The following PCSK5 variants were observed in gnomAD, a reference collection of about 807,000 sequenced individuals.
PCSK5 encodes the protein proprotein convertase subtilisin/kexin type 5.
A neutral mutation model predicts 233.2 loss-of-function variants in PCSK5; 129 were observed. That is an observed-to-expected ratio of 0.55 (90% CI 0.48 to 0.64). The LOEUF is 0.64. Ranked by LOEUF, PCSK5 falls within the 30% of genes least tolerant of loss-of-function variation. The probability of loss-of-function intolerance (pLI) is 0.00; values close to 1 mark genes in which losing one functional copy is unlikely to be tolerated. For missense variants in PCSK5, 2,076 were observed against 2,430.1 expected (o/e 0.85, Z 3.06); for synonymous variants, 825 against 879.2 (o/e 0.94, Z 1.09).
At chr9:76,200,583 G>A (rs561641144) in intron 20 of PCSK5, among the ~76,000 whole-genome samples, 1 of 152,212 alleles carries the variant, frequency 6.6e-6, no homozygotes, top group Admixed American at 6.5e-5. Flanking sequence ...TTTGTGGAAT[G>A]AATGAATAAG....
intron 10 of PCSK5, among the ~76,000 whole-genome samples, chr9:76,141,928 T>G (rs530152748): frequency 5.9e-5 from 9 of 152,114 alleles, no homozygotes; most frequent in Admixed American, 5.9e-4. Flanking sequence ...AGCTAAATGA[T>G]GAGAACTCGT....
chr9:76,324,192 C>T (rs1829293472), intron 32 of PCSK5, among the ~76,000 whole-genome samples: 1 of 151,796 alleles, frequency 6.6e-6, no homozygotes, highest in Non-Finnish European at 1.5e-5. Context: ...TTCCAAAGTG[C>T]TGGGATAATA....
At chr9:76,033,183 A>G (rs1287169578) in intron 5 of PCSK5, among the ~76,000 whole-genome samples, 1 of 152,168 alleles carries the variant, frequency 6.6e-6, no homozygotes, top group Non-Finnish European at 1.5e-5. Flanking sequence ...TTCCAAAGCA[A>G]CCAAAAGATA....
chr9:76,065,658 A>G (rs1830260951), intron 5 of PCSK5, among the ~76,000 whole-genome samples: 1 of 152,226 alleles, frequency 6.6e-6, no homozygotes, highest in African/African-American at 2.4e-5. Context: ...TTAGCTTTAT[A>G]TAATTGCATG....
chr9:76,057,973 A>T (rs929232135), intron 5 of PCSK5, among the ~76,000 whole-genome samples: 8 of 151,594 alleles, frequency 5.3e-5, no homozygotes, highest in African/African-American at 1.9e-4. Flanking sequence ...AGTAAGCGGG[A>T]CTACAGGTGC....
intron 36 of PCSK5, among the ~76,000 whole-genome samples, chr9:76,353,542 A>C (rs1830221503): frequency 6.6e-6 from 1 of 152,228 alleles, no homozygotes; most frequent in Admixed American, 6.5e-5. Context: ...GGATTATGTC[A>C]AATAGAAGAG....
At chr9:76,027,079 G>T in intron 5 of PCSK5, 42 bp downstream of exon 5, 1 of 1,363,924 alleles carries the variant, frequency 7.3e-7, no homozygotes, top group Non-Finnish European at 1.0e-6. Context: ...GGCTGGCAAG[G>T]AGCTTTGTTT....
At chr9:76,094,948 G>GT (rs1364205589) in intron 7 of PCSK5, among the ~76,000 whole-genome samples, 5 of 152,160 alleles carry the variant, frequency 3.3e-5, no homozygotes, top group Admixed American at 2.0e-4. Context: ...CCAAGCTTTG[G>GT]CATGAAGAAT....
At chr9:76,193,429 A>T in intron 20 of PCSK5, 1 of 424,790 alleles carries the variant, frequency 2.4e-6, no homozygotes. Context: ...AGCCAAAAAG[A>T]AAAAAAAAAA....
At chr9:75,967,012 G>A (rs889415912) in intron 2 of PCSK5, among the ~76,000 whole-genome samples, 3 of 152,156 alleles carry the variant, frequency 2.0e-5, no homozygotes, top group African/African-American at 7.2e-5. Context: ...TTCAAGGGGG[G>A]AAGGAGGTAA....
intron 14 of PCSK5, among the ~76,000 whole-genome samples, chr9:76,178,064 C>T (rs1337795548): frequency 1.3e-5 from 2 of 151,978 alleles, no homozygotes; most frequent in African/African-American, 4.8e-5. Flanking sequence ...AGATTAGAGA[C>T]ACAGATGGCG....
At chr9:76,323,414 C>T in intron 32 of PCSK5, 126 bp downstream of exon 32, 1 of 624,416 alleles carries the variant, frequency 1.6e-6, no homozygotes, top group Non-Finnish European at 2.8e-6. Context: ...GACAAGGTCT[C>T]CCTCTATTGC....
chr9:76,042,036 T>C (rs2131533437), intron 5 of PCSK5, among the ~76,000 whole-genome samples: 1 of 152,318 alleles, frequency 6.6e-6, no homozygotes, highest in South Asian at 2.1e-4. Context: ...CTACAGTGCT[T>C]GGAGATCCTT....
rs551165309 is a variant in PCSK5, at chr9:76,266,286, C to G, written c.3142+25602C>G. Among the ~76,000 whole-genome samples, 3 of 152,214 alleles carry G rather than the reference C, an allele frequency of 2.0e-5. No homozygotes were observed. In the South Asian group the frequency reaches 6.2e-4, roughly 32 times the overall value. The stretch of plus-strand genomic sequence containing the variant: ...CTCTTCAAAAAAGTGGCAAAGCTGT[C>G]AGCTAAACAGCTAGATGAATGAAGT... On this transcript the variant is annotated intron_variant, in intron 24 of 37. Coordinates refer to ENST00000674117, the MANE Select transcript of PCSK5 (RefSeq NM_001372043.1).
intron 2 of PCSK5, among the ~76,000 whole-genome samples, chr9:75,946,569 C>T (rs1824578480): frequency 7.1e-6 from 1 of 140,252 alleles, no homozygotes; most frequent in African/African-American, 2.5e-5. Context: ...CTTTCTCCTT[C>T]TGCCTTTTTC....
intron 10 of PCSK5, among the ~76,000 whole-genome samples, chr9:76,142,259 C>G (rs1823260513): frequency 6.6e-6 from 1 of 151,878 alleles, no homozygotes; most frequent in African/African-American, 2.4e-5. Context: ...TTCCATGGAA[C>G]ATTTTATTGT....
rs1185605005 is a variant in PCSK5, at chr9:76,238,971, G to A, written c.2879G>A (p.Arg960Gln). The A allele has an allele frequency of 8.1e-6, 13 of 1,611,720 alleles. No homozygotes were observed. Among genetic ancestry groups the A allele is most frequent in the South Asian group, 1.1e-5 (1 of 90,792 alleles). Reference protein sequence around the residue: ...CTSCGADNYGREHFLYQGECG... With the variant: ...CTSCGADNYGQEHFLYQGECG... The stretch of plus-strand genomic sequence containing the variant: ...TGTAACTGATCAGACAACTATGGCC[G>A]AGAGCACTTCCTGTACCAGGGAGAG... The change falls in exon 23 of 38, where the codon CGA becomes CAA. Residue 960 changes from arginine to glutamine, a missense_variant. Physicochemically the swap from Arg to Gln is conservative, Grantham distance 43. Coordinates refer to ENST00000674117, the MANE Select transcript of PCSK5 (RefSeq NM_001372043.1).
intron 3 of PCSK5, among the ~76,000 whole-genome samples, chr9:75,991,237 T>G (rs2131403988): frequency 6.6e-6 from 1 of 152,302 alleles, no homozygotes; most frequent in Non-Finnish European, 1.5e-5. Context: ...GGACAGGCAT[T>G]AGAATCACCT....
chr9:76,000,360 C>G (rs542765861), intron 3 of PCSK5, among the ~76,000 whole-genome samples: 1 of 152,272 alleles, frequency 6.6e-6, no homozygotes, highest in South Asian at 2.1e-4. Context: ...AAGACTGCTT[C>G]CCAGTGACGG....
Sources: gnomAD v4.1 joint callset for allele counts (sites outside exome capture counted in the v4.1 genomes callset) on GRCh38, gnomAD v4.1.1 for gene constraint, MANE v1.5 for transcripts, NCBI Gene and HGNC (gene_info 2026-07-23, HGNC 2026-07-21) for gene names.